Variants in ATP13A4 observed in about 807,000 individuals in gnomAD.
The protein encoded by ATP13A4 is probable cation-transporting ATPase 13A4.
ATP13A4 carries 114 observed loss-of-function variants against 142.5 expected under a neutral mutation model. The observed-to-expected ratio is 0.80, with a 90% CI of 0.69 to 0.93. The LOEUF (loss-of-function observed/expected upper bound fraction) is 0.93. Among genes scored for constraint, ATP13A4 ranks in the 40% least tolerant of loss-of-function variants. ATP13A4 has a pLI of 0.00. For missense variants in ATP13A4, 1,392 were observed against 1,454.0 expected (o/e 0.96, Z 0.69); for synonymous variants, 488 against 514.8 (o/e 0.95, Z 0.70).
At chr3:193,483,832 AATGAAT>A in intron 8 of ATP13A4, 98 bp downstream of exon 8, 1 of 1,040,254 alleles carries the variant, frequency 9.6e-7, no homozygotes, top group Non-Finnish European at 1.5e-6. Context: ...CCTAAGGAGA[AATGAAT>A]ATGAAGATGG....
chr3:193,520,754 C>T (rs1479380675), intron 1 of ATP13A4, among the ~76,000 whole-genome samples: 1 of 152,144 alleles, frequency 6.6e-6, no homozygotes, highest in Non-Finnish European at 1.5e-5. Context: ...TGGCATGCAG[C>T]TGAGTCCCAT....
At chr3:193,558,511 A>G (rs556901893), upstream of ATP13A4, among the ~76,000 whole-genome samples, 3 of 152,358 alleles carry the variant, frequency 2.0e-5, no homozygotes, top group Admixed American at 6.5e-5. Context: ...TATGCCCCAG[A>G]AAAGTTAAGT....
chr3:193,580,421 G>A (rs957488114), intron 2 of ATP13A4, among the ~76,000 whole-genome samples: 1 of 152,184 alleles, frequency 6.6e-6, no homozygotes, highest in African/African-American at 2.4e-5. Context: ...AAGTATGAGA[G>A]AGAAAGGAGA....
At chr3:193,454,732 G>A (rs1230458475) in intron 16 of ATP13A4, among the ~76,000 whole-genome samples, 1 of 152,112 alleles carries the variant, frequency 6.6e-6, no homozygotes, top group Admixed American at 6.6e-5. Flanking sequence ...ATGGATTGAC[G>A]ACTTTTAAAA....
At position 193,399,422 on chromosome 3, in the gene ATP13A4, C is replaced by T. The variant is rs766974113; in HGVS notation, c.*3230G>A. Among the ~76,000 whole-genome samples, 1 of 152,160 alleles carries T rather than the reference C, an allele frequency of 6.6e-6. No individual in the cohort carries two copies. Among genetic ancestry groups the T allele is most frequent in the African/African-American group, 2.4e-5 (1 of 41,430 alleles). On this transcript the variant is annotated 3_prime_UTR_variant, in exon 30 of 30. Coordinates refer to ENST00000342695, the MANE Select transcript of ATP13A4 (RefSeq NM_032279.4). Reference sequence around the variant, plus strand: ...CCCCTCTTTCCTAGGATCTTATCTCCATTAGGGGTCCCCTTTCAAGGTACA... The same window carrying T: ...CCCCTCTTTCCTAGGATCTTATCTCTATTAGGGGTCCCCTTTCAAGGTACA...
At position 193,502,619 on chromosome 3, in the gene ATP13A4, A is replaced by G; in HGVS notation, c.255T>C (p.Ser85=). The change falls in exon 3 of 30, where the codon TCT becomes TCC. Residue 85 remains serine, a synonymous_variant. Coordinates refer to ENST00000342695, the MANE Select transcript of ATP13A4 (RefSeq NM_032279.4). The part of the protein sequence containing the change: ...LRTTDEFQIY[S]WKKVIWIYLS... ...GGTAGATCCATATTACCTTTTTCCA[A>G]GAGTAAATTTGGAATTCATCCTGAG... 1 of 1,614,086 alleles carries G rather than the reference A, an allele frequency of 6.2e-7. No individual in the cohort carries two copies.
intron 3 of ATP13A4, among the ~76,000 whole-genome samples, chr3:193,499,011 C>G (rs1233700261): frequency 6.6e-6 from 1 of 152,158 alleles, no homozygotes; most frequent in Admixed American, 6.5e-5. Flanking sequence ...TCCCTTAGCT[C>G]TAAGGTCTAG....
chr3:193,484,861 T>C (rs1719513124), intron 7 of ATP13A4, among the ~76,000 whole-genome samples: 1 of 152,134 alleles, frequency 6.6e-6, no homozygotes, highest in Admixed American at 6.5e-5. Context: ...TATATAAATG[T>C]ATAATGACAA....
chr3:193,460,046 C>T (rs890953314), intron 13 of ATP13A4, among the ~76,000 whole-genome samples: 18 of 152,110 alleles, frequency 1.2e-4, no homozygotes, highest in Non-Finnish European at 7.3e-5. Flanking sequence ...GACGTTTGAA[C>T]GGTGGAAGCT....
intron 12 of ATP13A4, among the ~76,000 whole-genome samples, chr3:193,464,616 C>T (rs897427968): frequency 5.3e-5 from 8 of 152,116 alleles, no homozygotes; most frequent in East Asian, 1.9e-4. Flanking sequence ...ACAGCAGTGA[C>T]GATAGCAAAG....
intron 25 of ATP13A4, among the ~76,000 whole-genome samples, chr3:193,428,975 A>G (rs1215574501): frequency 6.6e-6 from 1 of 151,974 alleles, no homozygotes; most frequent in Admixed American, 6.6e-5. Context: ...ACAAAAATTC[A>G]ATTAGGAAAT....
chr3:193,540,463 A>C (rs904113735), intron 1 of ATP13A4, among the ~76,000 whole-genome samples: 6 of 149,166 alleles, frequency 4.0e-5, no homozygotes, highest in African/African-American at 1.5e-4. Context: ...ATTAAAAGTC[A>C]AACTGGCCTC....
rs960818901 is a variant in ATP13A4 at position 193,440,743 on chromosome 3, GA to G, written c.2440-107del. ...ACTGCATCATGACACTTACGATGAA[GA>G]AAAAAAAAAGTTTCCAATGAGCCTT... On this transcript the variant is annotated intron_variant, in intron 20 of 29. Coordinates refer to ENST00000342695, the MANE Select transcript of ATP13A4 (RefSeq NM_032279.4). The G allele has an allele frequency of 1.1e-3, 1,263 of 1,133,632 alleles. 1 individual carries two copies. The highest frequency in any genetic ancestry group is 1.9e-3 in the East Asian group (71 of 37,030). 70.2% of individuals were successfully genotyped at this position (1,133,632 alleles called of 1,614,324 possible).
chr3:193,560,386 T>C (rs1313290310), intron 2 of ATP13A4, among the ~76,000 whole-genome samples: 1 of 152,140 alleles, frequency 6.6e-6, no homozygotes, highest in African/African-American at 2.4e-5. Flanking sequence ...TTTTTGTTCT[T>C]GTTTTTTGTA....
intron 2 of ATP13A4, among the ~76,000 whole-genome samples, chr3:193,567,508 C>G (rs548273484): frequency 6.6e-6 from 1 of 152,218 alleles, no homozygotes; most frequent in Admixed American, 6.5e-5. Context: ...CTCTCCGATG[C>G]AGTCCATGGA....
chr3:193,515,945 T>C (rs1348819909), intron 1 of ATP13A4, among the ~76,000 whole-genome samples: 2 of 152,200 alleles, frequency 1.3e-5, no homozygotes, highest in African/African-American at 4.8e-5. Context: ...TTAACCTCTT[T>C]ATTCCTCAGT....
rs1198589512 is a variant in ATP13A4, at chr3:193,442,559, A to G, written c.2153-3T>C. 1.9e-6 allele frequency: 3 copies of G among 1,612,804 alleles called. No homozygotes were observed. Among genetic ancestry groups the G allele is most frequent in the Admixed American group, 1.7e-5 (1 of 60,016 alleles). ...TATTGCAGTCTGAAGATTGTCACCT[A>G]GAGGAAAGGAGGAGTATCTCAAGAT... On this transcript the variant is annotated splice_polypyrimidine_tract_variant and splice_region_variant and intron_variant, in intron 18 of 29. Transcript: ENST00000342695.
At chr3:193,501,979 G>C (rs1467953173) in intron 3 of ATP13A4, among the ~76,000 whole-genome samples, 1 of 152,162 alleles carries the variant, frequency 6.6e-6, no homozygotes, top group African/African-American at 2.4e-5. Flanking sequence ...TAATATGTAA[G>C]AGCTGGGCTG....
intron 25 of ATP13A4, among the ~76,000 whole-genome samples, chr3:193,415,478 A>G (rs941002458): frequency 6.6e-6 from 1 of 152,248 alleles, no homozygotes; most frequent in Non-Finnish European, 1.5e-5. Context: ...TGGCATTTCT[A>G]CTTGCACTTG....
Sources: gnomAD v4.1 joint callset for allele counts (sites outside exome capture counted in the v4.1 genomes callset) on GRCh38, gnomAD v4.1.1 for gene constraint, MANE v1.5 for transcripts, NCBI Gene and HGNC (gene_info 2026-07-23, HGNC 2026-07-21) for gene names.